SSBP4: variants seen among roughly 807,000 people sequenced by gnomAD.
SSBP4 encodes the protein single stranded DNA binding protein 4, also known as single-stranded DNA-binding protein 4.
In SSBP4, 33 loss-of-function variants were observed where a neutral mutation model predicts 64.6. The observed-to-expected ratio is 0.51, with a 90% confidence interval of 0.39 to 0.68. The LOEUF (loss-of-function observed/expected upper bound fraction) is 0.68. SSBP4 is among the 30% of genes least tolerant of loss of function. SSBP4 has a pLI of 0.00. For synonymous variants in SSBP4, 243 were observed against 224.0 expected (o/e 1.08, Z -0.76); for missense variants, 583 against 566.8 (o/e 1.03, Z -0.29).
At position 18,419,599 on chromosome 19, in the gene SSBP4, G is replaced by A. The variant is rs917282267; in HGVS notation, c.-50G>A. ...GCTATGGCGACGGCAAGCGCGGCCCGCGGCGCCGCCTGACAGGTGTGGGCC... is the reference window on the plus strand; with the variant it reads ...GCTATGGCGACGGCAAGCGCGGCCCACGGCGCCGCCTGACAGGTGTGGGCC... On this transcript the variant is annotated 5_prime_UTR_variant, in exon 1 of 18. Coordinates refer to ENST00000270061, the MANE Select transcript of SSBP4 (RefSeq NM_032627.5). 2 of 1,236,674 alleles carry A rather than the reference G, an allele frequency of 1.6e-6. No homozygotes were observed. Among genetic ancestry groups the A allele is most frequent in the Middle Eastern group, 2.9e-4 (1 of 3,468 alleles). 76.6% of individuals were successfully genotyped at this position (1,236,674 alleles called of 1,614,324 possible). A position where few individuals can be genotyped will look rare whatever the true frequency, so the allele number is the denominator to read the frequency against.
At chr19:18,424,945 G>C (rs927436334) in intron 1 of SSBP4, among the ~76,000 whole-genome samples, 4 of 151,992 alleles carry the variant, frequency 2.6e-5, no homozygotes, top group Non-Finnish European at 4.4e-5. Flanking sequence ...GGAATCCCAA[G>C]TTTGGGGAAG....
At chr19:18,416,766 C>T (rs1285081104), upstream of SSBP4, among the ~76,000 whole-genome samples, 1 of 152,200 alleles carries the variant, frequency 6.6e-6, no homozygotes, top group East Asian at 1.9e-4. Flanking sequence ...TCAAATCCAC[C>T]CCTCCTCTCC....
At position 18,432,689 on chromosome 19, in the gene SSBP4, C is replaced by T. The variant is rs1442390193; in HGVS notation, c.751-11C>T. On this transcript the variant is annotated splice_polypyrimidine_tract_variant and intron_variant, in intron 11 of 17. Coordinates refer to ENST00000270061, the MANE Select transcript of SSBP4 (RefSeq NM_032627.5). ...GCCTGGCTGACTGCTCACAGCTGCC[C>T]TTGTCCCCAGATCCCCTACTCCTCC... 1.3e-6 allele frequency: 2 copies of T among 1,568,478 alleles called. No individual in the cohort carries two copies.
At chr19:18,431,472 C>T (rs1257699913) in intron 6 of SSBP4, 54 bp downstream of exon 6, 24 of 1,086,434 alleles carry the variant, frequency 2.2e-5, no homozygotes, top group Admixed American at 5.4e-5. Context: ...CCCCCAGCGC[C>T]GCCCCCTCCC....
At chr19:18,428,056 T>TGGGCTTGTGGGGGGGGGGGGGGGGG in intron 4 of SSBP4, 74 bp downstream of exon 4, 1 of 444,262 alleles carries the variant, frequency 2.3e-6, no homozygotes, top group Non-Finnish European at 3.7e-6. Flanking sequence ...GGAGGTGGGG[T>TGGGCTTGTGGGGGGGGGGGGGGGGG]GGGGGGCTGC....
At chr19:18,419,071 T>C (rs995009182), upstream of SSBP4, 3 of 985,446 alleles carry the variant, frequency 3.0e-6, no homozygotes, top group African/African-American at 5.2e-5. Flanking sequence ...ACTTTTGCTG[T>C]GTGGAGCGCT....
chr19:18,428,304 G>A (rs751670614), intron 4 of SSBP4, among the ~76,000 whole-genome samples: 3 of 152,186 alleles, frequency 2.0e-5, no homozygotes, highest in Non-Finnish European at 4.4e-5. Context: ...GTGAGCCTGC[G>A]TGGAGATGGG....
the SSBP4 span, among the ~76,000 whole-genome samples, chr19:18,404,997 G>A: frequency 4.2e-3 from 373 of 89,438 alleles, 3 homozygotes; most frequent in African/African-American, 0.014. Flanking sequence ...CCCCCCCCCC[G>A]CGAAAGAAAA....
At position 18,434,261 on chromosome 19, in the gene SSBP4, C is replaced by T. The variant is rs747435070; in HGVS notation, c.*15C>T. The T allele has an allele frequency of 6.2e-6, 10 of 1,610,766 alleles. No individual in the cohort carries two copies. The highest frequency in any genetic ancestry group is 2.2e-5 in the East Asian group (1 of 44,680). ...TGAGCGTGTGATGGGGCGGCAGCCCCGGGCCTCTCTGCGGGCCTAGGCTTC... is the reference window on the plus strand; with the variant it reads ...TGAGCGTGTGATGGGGCGGCAGCCCTGGGCCTCTCTGCGGGCCTAGGCTTC... On this transcript the variant is annotated 3_prime_UTR_variant, in exon 18 of 18. Coordinates refer to ENST00000270061, the MANE Select transcript of SSBP4 (RefSeq NM_032627.5).
At chr19:18,404,444 A>G in the SSBP4 span, among the ~76,000 whole-genome samples, 3 of 151,854 alleles carry the variant, frequency 2.0e-5, no homozygotes, top group Non-Finnish European at 4.4e-5. Context: ...AAATACAAAA[A>G]TTAGCCAGGA....
In SSBP4 at chr19:18,427,474, G is replaced by T. The variant is rs745396877; in HGVS notation, c.132+51G>T. 9 of 1,589,412 alleles carry T rather than the reference G, an allele frequency of 5.7e-6. No homozygotes were observed. Among genetic ancestry groups the T allele is most frequent in the African/African-American group, 4.0e-5 (3 of 74,660 alleles). On this transcript the variant is annotated intron_variant, in intron 2 of 17. Transcript: ENST00000270061. This position sits in a 1 kb window ranked among gnomAD's most constrained non-coding sequence, Gnocchi z 4.4. The stretch of plus-strand genomic sequence containing the variant: ...CTCCCTCCTCACCCACACTCCGGGG[G>T]TCCTTCATTTCCACTGGGGATCCAG...
At chr19:18,410,323 G>C in the SSBP4 span, among the ~76,000 whole-genome samples, 8 of 151,328 alleles carry the variant, frequency 5.3e-5, no homozygotes, top group Non-Finnish European at 1.0e-4. Context: ...GTGAAGACAG[G>C]GTTTCACCAT....
At chr19:18,404,656 G>T in the SSBP4 span, among the ~76,000 whole-genome samples, 1 of 149,966 alleles carries the variant, frequency 6.7e-6, no homozygotes, top group Non-Finnish European at 1.5e-5. Context: ...ACTTAGGGAG[G>T]CTGAGGTGGG....
rs372800902 is a variant in SSBP4 at position 18,432,955 on chromosome 19, C to T, written c.842-18C>T. The T allele has an allele frequency of 2.5e-6, 4 of 1,614,118 alleles. No individual in the cohort carries two copies. In the African/African-American group the frequency reaches 5.3e-5, roughly 22 times the overall value. On this transcript the variant is annotated intron_variant, in intron 13 of 17. Transcript: ENST00000270061. ...GGGGAAACCCCGTCACACCTGGCAC[C>T]CTTCTGGTCTCCCCCAGATTCCACC...
Position 18,427,511 on chromosome 19 carries a change from G to T in SSBP4, c.132+88G>T. 6.7e-7 allele frequency: 1 copy of T among 1,493,292 alleles called. No individual in the cohort carries two copies. 92.5% of individuals were successfully genotyped at this position (1,493,292 alleles called of 1,614,324 possible). A position where few individuals can be genotyped will look rare whatever the true frequency, so the allele number is the denominator to read the frequency against. ...CACTGGGGATCCAGGGGGTGGGCCCGCGTTGCCCCTCTGATGGCCCTGGGA... is the reference window on the plus strand; with the variant it reads ...CACTGGGGATCCAGGGGGTGGGCCCTCGTTGCCCCTCTGATGGCCCTGGGA... On this transcript the variant is annotated intron_variant, in intron 2 of 17. Coordinates refer to ENST00000270061, the MANE Select transcript of SSBP4 (RefSeq NM_032627.5). The surrounding 1 kb of genome is among the most constrained non-coding windows in gnomAD (Gnocchi z 4.4).
upstream of SSBP4, among the ~76,000 whole-genome samples, chr19:18,417,314 G>A (rs753823193): frequency 1.9e-4 from 29 of 152,198 alleles, no homozygotes; most frequent in Non-Finnish European, 4.0e-4. The surrounding 1 kb of genome is among the most constrained non-coding windows in gnomAD (Gnocchi z 5.4). Flanking sequence ...TGTTTAATGG[G>A]GTGAAGACTC....
rs10442 is a variant in SSBP4, at chr19:18,434,531, A to C, written c.*285A>C. 0.39 allele frequency: 214,047 copies of C among 552,112 alleles called. 46,426 individuals carry two copies. Among genetic ancestry groups the C allele is most frequent in the African/African-American group, 0.75 (39,181 of 52,008 alleles). The allele number at this position is 552,112 out of a possible 1,614,324, so 34.2% of individuals were successfully genotyped here. A position where few individuals can be genotyped will look rare whatever the true frequency, so the allele number is the denominator to read the frequency against. The stretch of plus-strand genomic sequence containing the variant: ...CAGGACGTCAGGGGGTGGGGCCCAT[A>C]AATAAATGGAAGCTGGTTTTGGTTT... On this transcript the variant is annotated 3_prime_UTR_variant, in exon 18 of 18. Coordinates refer to ENST00000270061, the MANE Select transcript of SSBP4 (RefSeq NM_032627.5).
At chr19:18,409,526 G>T in the SSBP4 span, among the ~76,000 whole-genome samples, 17 of 151,962 alleles carry the variant, frequency 1.1e-4, no homozygotes, top group South Asian at 3.5e-3. Flanking sequence ...TAATAAATTT[G>T]ATTTCACTTA....
At chr19:18,433,417 C>T (rs1330233521) in intron 15 of SSBP4, 168 bp from the exon 16 acceptor site, 6 of 1,325,658 alleles carry the variant, frequency 4.5e-6, no homozygotes, top group Non-Finnish European at 6.2e-6. Context: ...CCGCCCCTCC[C>T]CCCCAGGCCC....
Sources: allele counts gnomAD v4.1 joint callset (sites outside exome capture counted in the v4.1 genomes callset), GRCh38; gene constraint gnomAD v4.1.1; non-coding constraint Gnocchi (gnomAD v3.1); transcripts MANE v1.5; gene names NCBI Gene and HGNC (gene_info 2026-07-23, HGNC 2026-07-21).